COP1: variants seen among roughly 807,000 people sequenced by gnomAD.
COP1 encodes COP1 E3 ubiquitin ligase, also known as E3 ubiquitin-protein ligase COP1.
In COP1, 24 loss-of-function variants were observed where a neutral mutation model predicts 101.3. The observed-to-expected ratio is 0.24, with a 90% CI of 0.17 to 0.33. COP1 has a LOEUF of 0.33. COP1 is among the 10% of genes least tolerant of loss of function. The probability of loss-of-function intolerance (pLI) is 1.00; values close to 1 mark genes in which losing one functional copy is unlikely to be tolerated. For synonymous variants in COP1, 347 were observed against 341.9 expected, an observed-to-expected ratio of 1.01 and a Z score of -0.17; for missense variants, 663 against 906.2, an observed-to-expected ratio of 0.73 and a Z score of 3.45.
intron 15 of COP1, among the ~76,000 whole-genome samples, chr1:175,992,665 A>G (rs1390950278): frequency 2.0e-5 from 3 of 152,232 alleles, no homozygotes; most frequent in Admixed American, 6.5e-5. Context: ...GTCTGAGATC[A>G]AACTGCAAGG....
At position 176,177,290 on chromosome 1, in the gene COP1, CCTT is replaced by C. The variant is rs550591940; in HGVS notation, c.468-1286_468-1284del. On this transcript the variant is annotated intron_variant, in intron 2 of 19. Transcript: ENST00000367669. ...GTGCCTCCCTATTAAAAAAAACACT[CCTT>C]AAGTATTTTTCACCAAATCATGGAA... is the stretch of plus-strand genomic sequence containing the variant. Among the ~76,000 whole-genome samples the C allele has an allele frequency of 6.2e-3, 926 of 150,476 alleles. 13 individuals are homozygous for C. The highest frequency in any genetic ancestry group is 0.021 in the African/African-American group (873 of 40,984).
In COP1 at chr1:175,991,796, C is replaced by T. The variant is rs140171609; in HGVS notation, c.1730-2317G>A. Among the ~76,000 whole-genome samples the T allele has an allele frequency of 2.6e-3, 399 of 152,198 alleles. 3 individuals are homozygous for T. The highest frequency in any genetic ancestry group is 9.2e-3 in the African/African-American group (381 of 41,530). On this transcript the variant is annotated intron_variant, in intron 15 of 19. Transcript: ENST00000367669. Reference sequence around the variant, plus strand: ...TAGGTCTACACAGGGTCAGGATAATCAATATCACTGTTTTCACCTCCACGT... The same window carrying T: ...TAGGTCTACACAGGGTCAGGATAATTAATATCACTGTTTTCACCTCCACGT...
intron 15 of COP1, among the ~76,000 whole-genome samples, chr1:175,999,436 T>A (rs1244870145): frequency 6.6e-6 from 1 of 152,104 alleles, no homozygotes; most frequent in African/African-American, 2.4e-5. Context: ...AATGACAGAA[T>A]CTCATTCTTT....
intron 6 of COP1, among the ~76,000 whole-genome samples, chr1:176,141,361 C>A (rs968289822): frequency 5.9e-5 from 9 of 151,938 alleles, no homozygotes; most frequent in African/African-American, 2.2e-4. Flanking sequence ...ATTAGCCAGG[C>A]GTGGTGGTAG....
chr1:176,087,192 G>C (rs1291386638), intron 9 of COP1, among the ~76,000 whole-genome samples: 1 of 152,150 alleles, frequency 6.6e-6, no homozygotes, highest in East Asian at 1.9e-4. Context: ...CAGGACATAG[G>C]CATGGGCAAA....
At chr1:176,163,279 T>C (rs928931723) in intron 4 of COP1, among the ~76,000 whole-genome samples, 2 of 152,218 alleles carry the variant, frequency 1.3e-5, no homozygotes, top group African/African-American at 4.8e-5. Flanking sequence ...TAATTATTTG[T>C]CTAGCCATAT....
chr1:176,039,231 CAGGGGAAATTT>C (rs2149147834), intron 14 of COP1, among the ~76,000 whole-genome samples: 1 of 152,108 alleles, frequency 6.6e-6, no homozygotes, highest in South Asian at 2.1e-4. Flanking sequence ...AAAGGAATCT[CAGGGGAAATTT>C]AAAATATTCA....
At chr1:176,028,803 G>C (rs1237184273) in intron 14 of COP1, among the ~76,000 whole-genome samples, 1 of 146,694 alleles carries the variant, frequency 6.8e-6, no homozygotes, top group Admixed American at 6.9e-5. Context: ...ATTCAGGCTG[G>C]AGTGCAGTGG....
chr1:175,946,924 C>T (rs1036012772), intron 19 of COP1, among the ~76,000 whole-genome samples: 7 of 152,184 alleles, frequency 4.6e-5, no homozygotes, highest in African/African-American at 1.7e-4. Context: ...CTGTGCTTAG[C>T]CCACAGTGAA....
chr1:176,180,996 G>A (rs750698130), intron 2 of COP1, among the ~76,000 whole-genome samples: 5 of 152,110 alleles, frequency 3.3e-5, no homozygotes, highest in South Asian at 2.1e-4. Flanking sequence ...GTAGACATAC[G>A]GTACAGGGCA....
chr1:176,011,027 C>T (rs1664566895), intron 15 of COP1, among the ~76,000 whole-genome samples: 1 of 152,126 alleles, frequency 6.6e-6, no homozygotes, highest in Non-Finnish European at 1.5e-5. Flanking sequence ...GAACTTTAAT[C>T]TTTCTTAATA....
chr1:176,092,996 T>C (rs1432216650), intron 9 of COP1, among the ~76,000 whole-genome samples: 1 of 152,126 alleles, frequency 6.6e-6, no homozygotes, highest in Non-Finnish European at 1.5e-5. Context: ...CAATGGAATA[T>C]TATACGTCAG....
intron 18 of COP1, among the ~76,000 whole-genome samples, chr1:175,976,296 T>TTTTTTTTTTTTTA (rs1553284850): frequency 7.3e-6 from 1 of 137,306 alleles, no homozygotes; most frequent in Non-Finnish European, 1.5e-5. Flanking sequence ...TTTTTTTTTT[T>TTTTTTTTTTTTTA]AGACAGAGTC....
intron 8 of COP1, among the ~76,000 whole-genome samples, chr1:176,118,969 G>A (rs1221399661): frequency 1.3e-5 from 2 of 152,088 alleles, no homozygotes; most frequent in Non-Finnish European, 2.9e-5. Context: ...GCCAAAAAAT[G>A]CAGCACACAA....
chr1:175,993,346 T>C (rs1659171023), intron 15 of COP1, among the ~76,000 whole-genome samples: 1 of 152,110 alleles, frequency 6.6e-6, no homozygotes, highest in Non-Finnish European at 1.5e-5. Context: ...CCTCTCCTCC[T>C]CCAAAGGAAC....
At chr1:175,975,698 T>C (rs1654368207) in intron 18 of COP1, among the ~76,000 whole-genome samples, 1 of 152,128 alleles carries the variant, frequency 6.6e-6, no homozygotes, top group South Asian at 2.1e-4. Context: ...TGTGAGTCAC[T>C]GCACCTGGCC....
At chr1:175,989,690 A>G (rs1657947885) in intron 15 of COP1, among the ~76,000 whole-genome samples, 1 of 152,200 alleles carries the variant, frequency 6.6e-6, no homozygotes. Context: ...AAACTTAAAA[A>G]TCAATCTTTG....
chr1:175,968,285 T>C, intron 18 of COP1: 1 of 314,138 alleles, frequency 3.2e-6, no homozygotes, highest in East Asian at 7.8e-5. Flanking sequence ...TTCAGACGGA[T>C]ACAGAGGTAA....
chr1:176,058,064 G>GGCCGCCCGGCAGCCA (rs1673990260), intron 11 of COP1, among the ~76,000 whole-genome samples: 1 of 142,746 alleles, frequency 7.0e-6, no homozygotes, highest in African/African-American at 2.6e-5. Flanking sequence ...CCCGGCAGCC[G>GGCCGCCCGGCAGCCA]CCCCGGCCGG....
Sources: gnomAD v4.1 joint callset for allele counts (sites outside exome capture counted in the v4.1 genomes callset) on GRCh38, gnomAD v4.1.1 for gene constraint, MANE v1.5 for transcripts, NCBI Gene and HGNC (gene_info 2026-07-23, HGNC 2026-07-21) for gene names.